Variants in CELF4 observed in about 807,000 individuals in gnomAD.
The protein encoded by CELF4 is CUGBP Elav-like family member 4, also known as CUG-BP- and ETR-3-like factor 4.
CELF4 carries 18 observed loss-of-function variants against 59.9 expected under a neutral mutation model. The observed-to-expected ratio is 0.30, with a 90% CI of 0.21 to 0.45. The LOEUF (loss-of-function observed/expected upper bound fraction) is 0.45. Among genes scored for constraint, CELF4 ranks in the 20% least tolerant of loss-of-function variants. The probability of loss-of-function intolerance (pLI) is 1.00; values close to 1 mark genes in which losing one functional copy is unlikely to be tolerated. For synonymous variants in CELF4, 261 were observed against 267.1 expected, an observed-to-expected ratio of 0.98 and a Z score of 0.22; for missense variants, 456 against 689.0, an observed-to-expected ratio of 0.66 and a Z score of 3.79.
intron 2 of CELF4, among the ~76,000 whole-genome samples, chr18:37,450,723 T>C (rs982478899): frequency 2.9e-4 from 44 of 152,128 alleles, no homozygotes; most frequent in Non-Finnish European, 5.3e-4. Context: ...GCTCCCCAGA[T>C]GCCTTCCCCT....
chr18:37,423,356 C>T (rs960475631), intron 2 of CELF4, among the ~76,000 whole-genome samples: 3 of 152,126 alleles, frequency 2.0e-5, no homozygotes, highest in Non-Finnish European at 2.9e-5. Context: ...GCTGACTCCT[C>T]GGGGGACTGG....
intron 2 of CELF4, among the ~76,000 whole-genome samples, chr18:37,388,397 CCCTCCCTTCCCTCCTCCTTCT>C (rs771147496): frequency 1.3e-5 from 2 of 150,648 alleles, no homozygotes; most frequent in Non-Finnish European, 3.0e-5. Context: ...TTCTCCTCTT[CCCTCCCTTCCCTCCTCCTTCT>C]CCTCCTTTCC....
chr18:37,490,391 A>G (rs1489714350), intron 1 of CELF4, among the ~76,000 whole-genome samples: 1 of 152,156 alleles, frequency 6.6e-6, no homozygotes. Context: ...GAAAAAAAAA[A>G]TCTTTACTAA....
intron 2 of CELF4, among the ~76,000 whole-genome samples, chr18:37,449,618 C>A (rs901293150): frequency 2.6e-5 from 4 of 152,148 alleles, no homozygotes; most frequent in African/African-American, 9.7e-5. Flanking sequence ...CAGGGCGTAA[C>A]TGGTTGGACG....
chr18:37,363,317 T>C (rs1001118834), intron 2 of CELF4, among the ~76,000 whole-genome samples: 2 of 152,170 alleles, frequency 1.3e-5, no homozygotes, highest in Non-Finnish European at 2.9e-5. Context: ...ATTTATCACC[T>C]ACCAGGACAC....
rs78725277 is a variant in CELF4, at chr18:37,382,489, A to T, written c.370-60608T>A. Among the ~76,000 whole-genome samples, 644 of 152,302 alleles carry T rather than the reference A, an allele frequency of 4.2e-3. 10 individuals are homozygous for T. The highest frequency in any genetic ancestry group is 0.015 in the African/African-American group (611 of 41,562). On this transcript the variant is annotated intron_variant, in intron 2 of 12. Transcript: ENST00000420428. Reference sequence around the variant, plus strand: ...AGGGGCTCCTCCCTCTTCACCATGTATCCTGGGCACTGGAGAATGCAGACC... The same window carrying T: ...AGGGGCTCCTCCCTCTTCACCATGTTTCCTGGGCACTGGAGAATGCAGACC...
intron 2 of CELF4, among the ~76,000 whole-genome samples, chr18:37,446,414 G>A (rs925100187): frequency 7.2e-5 from 11 of 152,140 alleles, no homozygotes; most frequent in African/African-American, 2.7e-4. Flanking sequence ...CTCCCTGTGT[G>A]AGGGAGGGCA....
chr18:37,538,139 G>A (rs987392901), intron 1 of CELF4, among the ~76,000 whole-genome samples: 14 of 152,216 alleles, frequency 9.2e-5, no homozygotes, highest in African/African-American at 3.4e-4. Context: ...ATGGCGGGGT[G>A]GGAGGGCGGC....
At chr18:37,528,105 A>T (rs1005023881) in intron 1 of CELF4, among the ~76,000 whole-genome samples, 2 of 152,202 alleles carry the variant, frequency 1.3e-5, no homozygotes, top group African/African-American at 4.8e-5. Flanking sequence ...TCAAGGCCTT[A>T]CAGCTAGCTA....
chr18:37,342,354 T>G (rs1166527155), intron 2 of CELF4, among the ~76,000 whole-genome samples: 1 of 152,074 alleles, frequency 6.6e-6, no homozygotes, highest in African/African-American at 2.4e-5. Flanking sequence ...AGCAACCTTC[T>G]CTGAGCAGGT....
chr18:37,564,772 C>A (rs2099987640), intron 1 of CELF4, among the ~76,000 whole-genome samples: 1 of 151,940 alleles, frequency 6.6e-6, no homozygotes, highest in Non-Finnish European at 1.5e-5. Context: ...ACCATTCACA[C>A]CACAATCAGA....
intron 2 of CELF4, among the ~76,000 whole-genome samples, chr18:37,434,522 T>C (rs2099682949): frequency 6.6e-6 from 1 of 152,126 alleles, no homozygotes; most frequent in Admixed American, 6.5e-5. Context: ...CCCAACCTCC[T>C]CTGGGAGTGA....
chr18:37,268,293 G>C (rs2078703784), intron 8 of CELF4, among the ~76,000 whole-genome samples: 1 of 152,108 alleles, frequency 6.6e-6, no homozygotes, highest in African/African-American at 2.4e-5. Context: ...CTGGCGCTGA[G>C]GGCTCCTCAG....
chr18:37,510,632 C>A (rs2099943177), intron 1 of CELF4, among the ~76,000 whole-genome samples: 1 of 152,240 alleles, frequency 6.6e-6, no homozygotes, highest in Admixed American at 6.5e-5. Flanking sequence ...TTTCTACATG[C>A]CTGGTGGTCT....
intron 1 of CELF4, among the ~76,000 whole-genome samples, chr18:37,540,606 G>A (rs1372605326): frequency 6.6e-6 from 1 of 152,156 alleles, no homozygotes; most frequent in Non-Finnish European, 1.5e-5. Context: ...CAGGGAGGAG[G>A]GAGCTCTGCG....
chr18:37,286,537 C>T (rs1262199978), intron 3 of CELF4, among the ~76,000 whole-genome samples: 2 of 152,176 alleles, frequency 1.3e-5, no homozygotes, highest in African/African-American at 2.4e-5. Context: ...GTGCTGGGGG[C>T]GGCCGTGCAA....
intron 2 of CELF4, among the ~76,000 whole-genome samples, chr18:37,444,617 T>TACACACACACACACACACACACACAC (rs61248144): frequency 2.8e-4 from 38 of 134,244 alleles, no homozygotes; most frequent in African/African-American, 1.0e-3. Flanking sequence ...CTAGCATGCA[T>TACACACACACACACACACACACACAC]ACACACACAC....
intron 2 of CELF4, among the ~76,000 whole-genome samples, chr18:37,468,191 AT>A (rs1314984446): frequency 6.6e-6 from 1 of 152,220 alleles, no homozygotes; most frequent in African/African-American, 2.4e-5. Context: ...GCCTTAGAAA[AT>A]GGGAAATGCA....
At chr18:37,335,253 A>G (rs1177651142) in intron 2 of CELF4, among the ~76,000 whole-genome samples, 1 of 152,062 alleles carries the variant, frequency 6.6e-6, no homozygotes, top group Non-Finnish European at 1.5e-5. Flanking sequence ...GAAACACGCC[A>G]GGGTCTCCAG....
Sources: gnomAD v4.1 joint callset for allele counts (sites outside exome capture counted in the v4.1 genomes callset) on GRCh38, gnomAD v4.1.1 for gene constraint, MANE v1.5 for transcripts, NCBI Gene and HGNC (gene_info 2026-07-23, HGNC 2026-07-21) for gene names.